SLC9A4: variants seen among roughly 807,000 people sequenced by gnomAD.
The protein encoded by SLC9A4 is solute carrier family 9 member A4.
In SLC9A4, 63 loss-of-function variants were observed where a neutral mutation model predicts 67.4. The ratio of observed to expected loss-of-function variants is 0.93; its 90% CI spans 0.76 to 1.15. SLC9A4 has a LOEUF of 1.15. SLC9A4 is among the 50% of genes most tolerant of loss of function. The pLI is 0.00. For missense variants in SLC9A4, 1,089 were observed against 987.7 expected (o/e 1.10, Z -1.38); for synonymous variants, 393 against 367.2 (o/e 1.07, Z -0.80).
intron 9 of SLC9A4, among the ~76,000 whole-genome samples, chr2:102,521,495 A>T (rs1298833097): frequency 6.6e-6 from 1 of 152,172 alleles, no homozygotes; most frequent in Admixed American, 6.5e-5. Context: ...AACAGAGGGC[A>T]GTTACAAGCC....
chr2:102,528,042 C>T (rs1240457162), intron 11 of SLC9A4, among the ~76,000 whole-genome samples: 1 of 152,082 alleles, frequency 6.6e-6, no homozygotes, highest in African/African-American at 2.4e-5. Flanking sequence ...GAGTCTCTCT[C>T]TGTCACCCCG....
chr2:102,522,706 G>A (rs563178829), intron 9 of SLC9A4, among the ~76,000 whole-genome samples: 2 of 152,130 alleles, frequency 1.3e-5, no homozygotes, highest in East Asian at 3.9e-4. Flanking sequence ...CTTAATTCTT[G>A]TGTTATTTTT....
intron 4 of SLC9A4, among the ~76,000 whole-genome samples, chr2:102,506,830 C>G (rs1573344820): frequency 6.6e-6 from 1 of 152,176 alleles, no homozygotes; most frequent in Non-Finnish European, 1.5e-5. Context: ...CTTCATGATC[C>G]AGCTCAACCC....
chr2:102,485,223 A>G (rs1158105599), intron 2 of SLC9A4, among the ~76,000 whole-genome samples: 2 of 152,228 alleles, frequency 1.3e-5, no homozygotes, highest in Middle Eastern at 3.2e-3. Context: ...ATAAAGACAC[A>G]GATTCTCATA....
At chr2:102,529,769 T>G (rs1382905501) in intron 11 of SLC9A4, among the ~76,000 whole-genome samples, 4 of 152,170 alleles carry the variant, frequency 2.6e-5, no homozygotes, top group African/African-American at 9.7e-5. Context: ...GGAGAATGCT[T>G]CCCTTCCTAG....
At position 102,526,293 on chromosome 2, in the gene SLC9A4, C is replaced by T. The variant is rs1674664357; in HGVS notation, c.1985C>T (p.Pro662Leu). 8.7e-6 allele frequency: 14 copies of T among 1,613,894 alleles called. No individual in the cohort carries two copies. In the East Asian group the frequency reaches 2.9e-4, roughly 33 times the overall value. Residue 662 changes from proline (P) to leucine (L), a missense_variant, in exon 11 of 12, where the codon CCC (proline) becomes CTC (leucine). Coordinates refer to ENST00000295269, the MANE Select transcript of SLC9A4 (RefSeq NM_001011552.4). ...GTKNIRYLSY[P>L]YGNPQSAGRD... ...AAGAATATCCGCTACCTCTCCTACC[C>T]CTACGGGAATCCTCAGTCTGCAGGA... is the stretch of plus-strand genomic sequence containing the variant.
At chr2:102,482,252 G>A (rs897833774) in intron 2 of SLC9A4, among the ~76,000 whole-genome samples, 8 of 152,184 alleles carry the variant, frequency 5.3e-5, no homozygotes, top group African/African-American at 1.9e-4. Flanking sequence ...GTCTTCGGAT[G>A]TCCAGTCCCA....
intron 3 of SLC9A4, among the ~76,000 whole-genome samples, chr2:102,504,525 C>G (rs1685009487): frequency 6.6e-6 from 1 of 152,128 alleles, no homozygotes; most frequent in Non-Finnish European, 1.5e-5. Flanking sequence ...GTCCTTGTAT[C>G]CTTGAGATGT....
chr2:102,495,877 A>T (rs1230794372), intron 2 of SLC9A4, among the ~76,000 whole-genome samples: 2 of 152,194 alleles, frequency 1.3e-5, no homozygotes, highest in Non-Finnish European at 2.9e-5. Context: ...TGTATCATAG[A>T]TGAAATGGAA....
intron 7 of SLC9A4, among the ~76,000 whole-genome samples, 191 bp from the exon 8 acceptor site, chr2:102,513,899 T>A (rs1271911005): frequency 2.0e-5 from 3 of 152,250 alleles, no homozygotes; most frequent in African/African-American, 7.2e-5. Context: ...TCTTTTTTTT[T>A]ATTTTAAAAA....
chr2:102,496,231 A>G (rs747582337), intron 2 of SLC9A4, among the ~76,000 whole-genome samples: 5 of 152,238 alleles, frequency 3.3e-5, no homozygotes, highest in Non-Finnish European at 4.4e-5. Context: ...CAGATACACC[A>G]TAAAAGATGA....
chr2:102,502,175 C>T (rs958362550), intron 2 of SLC9A4, among the ~76,000 whole-genome samples: 3 of 152,276 alleles, frequency 2.0e-5, no homozygotes, highest in East Asian at 1.9e-4. Context: ...CAGAGATCTT[C>T]GTTCAGCTCT....
At chr2:102,501,840 G>T (rs2075191) in intron 2 of SLC9A4, among the ~76,000 whole-genome samples, 107,035 of 151,022 alleles carry the variant, frequency 0.71, 38,636 homozygotes, top group Middle Eastern at 0.77. Flanking sequence ...TAAGGAAGAT[G>T]ATTCCCATCT....
chr2:102,474,141 T>A, intron 1 of SLC9A4, 126 bp downstream of exon 1: 3 of 1,149,980 alleles, frequency 2.6e-6, no homozygotes, highest in Non-Finnish European at 3.6e-6. Flanking sequence ...AAAATTCTCT[T>A]CCCTTCAGTC....
chr2:102,510,780 T>C (rs1490797322), intron 6 of SLC9A4, among the ~76,000 whole-genome samples: 1 of 152,210 alleles, frequency 6.6e-6, no homozygotes, highest in African/African-American at 2.4e-5. Context: ...TTTGCAAACA[T>C]GGCCGAGTGG....
At chr2:102,496,950 G>C (rs181016981) in intron 2 of SLC9A4, among the ~76,000 whole-genome samples, 3 of 152,346 alleles carry the variant, frequency 2.0e-5, no homozygotes, top group Non-Finnish European at 4.4e-5. Flanking sequence ...TTTTGAGAGA[G>C]AGTCTCACTG....
chr2:102,505,582 C>T (rs1054120339), intron 4 of SLC9A4, 111 bp downstream of exon 4: 29 of 1,060,322 alleles, frequency 2.7e-5, no homozygotes, highest in Admixed American at 1.2e-4. Flanking sequence ...CTGGTTTTAC[C>T]GGTTAGGGTA....
At chr2:102,488,118 G>A (rs932579805) in intron 2 of SLC9A4, among the ~76,000 whole-genome samples, 3 of 152,212 alleles carry the variant, frequency 2.0e-5, no homozygotes, top group East Asian at 1.9e-4. Context: ...AGAGAAAAGC[G>A]TAGAGCTTCA....
chr2:102,490,033 C>T (rs199584000), intron 2 of SLC9A4, among the ~76,000 whole-genome samples: 1 of 151,062 alleles, frequency 6.6e-6, no homozygotes, highest in East Asian at 1.9e-4. Flanking sequence ...TGCATTTTTC[C>T]ATTATTTGGC....
Sources: gnomAD v4.1 joint callset for allele counts (sites outside exome capture counted in the v4.1 genomes callset) on GRCh38, gnomAD v4.1.1 for gene constraint, MANE v1.5 for transcripts, NCBI Gene and HGNC (gene_info 2026-07-23, HGNC 2026-07-21) for gene names.